The following HCFC1R1 variants were observed in gnomAD, a reference collection of about 807,000 sequenced individuals.
HCFC1R1 encodes host cell factor C1 regulator 1.
Under a neutral mutation model 13.3 loss-of-function variants are expected in HCFC1R1, and 17 were observed. That is an observed-to-expected ratio of 1.28 (90% CI 0.87 to 1.91). The LOEUF (loss-of-function observed/expected upper bound fraction) is 1.91. HCFC1R1 is among the 40% of genes most tolerant of loss of function. The probability of loss-of-function intolerance (pLI) is 0.00; values close to 1 mark genes in which losing one functional copy is unlikely to be tolerated. For synonymous variants in HCFC1R1, 87 were observed against 71.1 expected (o/e 1.22, Z -1.12); for missense variants, 218 against 177.9 (o/e 1.23, Z -1.28).
At chr16:3,023,402 C>T in intron 2 of HCFC1R1, 41 bp from the exon 3 acceptor site, 1 of 1,613,566 alleles carries the variant, frequency 6.2e-7, no homozygotes, top group Non-Finnish European at 8.5e-7. Context: ...GATACTGACA[C>T]AGGAGGCAGC....
Position 3,022,726 on chromosome 16 carries a change from T to G in HCFC1R1, c.*137A>C, listed in dbSNP as rs572333189. ...TCCCAGAACTCCGTTGGGCTCAGTG[T>G]CCTCTGTTGAGGGAAGGTCTTGGTG... On this transcript the variant is annotated 3_prime_UTR_variant, in exon 4 of 4. Transcript: ENST00000248089. 138 of 724,304 alleles carry G rather than the reference T, an allele frequency of 1.9e-4. No homozygotes were observed. The East Asian group carries it at 4.5e-3, about 24-fold the overall frequency. 44.9% of individuals were successfully genotyped at this position (724,304 alleles called of 1,614,324 possible). A position where few individuals can be genotyped will look rare whatever the true frequency, so the allele number is the denominator to read the frequency against.
chr16:3,023,966 G>C (rs777582649), upstream of HCFC1R1: 313 of 1,507,474 alleles, frequency 2.1e-4, no homozygotes, highest in Non-Finnish European at 2.7e-4. Flanking sequence ...CTGCGGGTGG[G>C]ATCTGGGCGA....
chr16:3,023,776 G>T, intron 1 of HCFC1R1, 71 bp downstream of exon 1: 3 of 1,249,508 alleles, frequency 2.4e-6, no homozygotes, highest in South Asian at 2.6e-5. Flanking sequence ...TCATCCTGCA[G>T]ACCAGTCCTG....
chr16:3,024,096 C>T (rs889667066), upstream of HCFC1R1: 2 of 735,556 alleles, frequency 2.7e-6, no homozygotes, highest in African/African-American at 3.5e-5. Context: ...GGCAGGCTTG[C>T]TCCTCGGGGT....
chr16:3,024,098 C>T, upstream of HCFC1R1: 1 of 733,074 alleles, frequency 1.4e-6, no homozygotes, highest in Non-Finnish European at 2.2e-6. Context: ...CAGGCTTGCT[C>T]CTCGGGGTGG....
chr16:3,022,904 G>T lies in HCFC1R1; in HGVS notation c.376C>A (p.Pro126Thr), dbSNP rs774942155. 1 of 1,558,524 alleles carries T rather than the reference G, an allele frequency of 6.4e-7. No homozygotes were observed. The highest frequency in any genetic ancestry group is 2.3e-5 in the Admixed American group (1 of 43,938). The change falls in exon 4 of 4, where the codon CCC (proline) becomes ACC (threonine). Residue 126 changes from proline (P) to threonine (T), a missense_variant. By Grantham distance (38) the Pro-to-Thr change is conservative. Transcript: ENST00000248089. Reference sequence around the variant, plus strand: ...TCCCCAGCTGGGGTTGCAGGGTAGGGGGGACTGGGGGTGTCCCCCAGCCTC... The same window carrying T: ...TCCCCAGCTGGGGTTGCAGGGTAGGTGGGACTGGGGGTGTCCCCCAGCCTC... ...LLRLGDTPSP[P>T]YPATPAGDIM...
rs746547303 is a variant in HCFC1R1, at chr16:3,023,264, TG to T, written c.249del (p.Met84Ter). On this transcript the variant is annotated frameshift_variant, in exon 3 of 4. Coordinates refer to ENST00000248089, the MANE Select transcript of HCFC1R1 (RefSeq NM_017885.4). LOFTEE classifies it high-confidence loss of function. ...LHNDHPYCSP[P>X]MTFSPALPPL... ...GGGGGCAGGGCTGGGGAGAAGGTCA[TG>T]GGGGGGCTGCAGTAGGGGTGGTCAT... 9 of 1,567,488 alleles carry T rather than the reference TG, an allele frequency of 5.7e-6. No individual in the cohort carries two copies. The highest frequency in any genetic ancestry group is 2.3e-5 in the East Asian group (1 of 44,236).
intron 3 of HCFC1R1, 44 bp from the exon 4 acceptor site, chr16:3,023,042 C>G: frequency 6.3e-7 from 1 of 1,580,608 alleles, no homozygotes; most frequent in South Asian, 1.2e-5. Context: ...TGAGGCTGGC[C>G]TAGCTGAGCA....
chr16:3,024,200 G>C, upstream of HCFC1R1: 1 of 1,212,766 alleles, frequency 8.2e-7, no homozygotes, highest in Admixed American at 1.9e-5. Context: ...TAGGGTTCGG[G>C]ACGGTACGCA....
chr16:3,023,270 G>T lies in HCFC1R1; in HGVS notation c.244C>A (p.Pro82Thr), dbSNP rs201654253. Residue 82 changes from proline to threonine, a missense_variant, in exon 3 of 4, where the codon CCC becomes ACC. By Grantham distance (38) the Pro-to-Thr change is conservative. Coordinates refer to ENST00000248089, the MANE Select transcript of HCFC1R1 (RefSeq NM_017885.4). Reference sequence around the variant, plus strand: ...AGGGCTGGGGAGAAGGTCATGGGGGGGCTGCAGTAGGGGTGGTCATTGTGC... The same window carrying T: ...AGGGCTGGGGAGAAGGTCATGGGGGTGCTGCAGTAGGGGTGGTCATTGTGC... ...SLHNDHPYCS[P>T]PMTFSPALPP... The T allele has an allele frequency of 4.9e-4, 778 of 1,574,352 alleles. 3 individuals carry two copies. Among genetic ancestry groups the T allele is most frequent in the Admixed American group, 1.2e-3 (66 of 56,200 alleles).
chr16:3,023,628 C>T (rs1263668870), intron 1 of HCFC1R1, 98 bp from the exon 2 acceptor site: 1 of 1,372,302 alleles, frequency 7.3e-7, no homozygotes, highest in East Asian at 2.5e-5. Context: ...GCCCCAAGCC[C>T]ATTCCTGTCT....
At chr16:3,024,220 T>A (rs1168340967), upstream of HCFC1R1, 1 of 1,451,964 alleles carries the variant, frequency 6.9e-7, no homozygotes, top group East Asian at 2.3e-5. Context: ...ACCAGCCACC[T>A]TCGCGCCGAA....
chr16:3,023,653 C>T (rs961290993), intron 1 of HCFC1R1, 123 bp from the exon 2 acceptor site: 9 of 1,214,478 alleles, frequency 7.4e-6, no homozygotes, highest in South Asian at 3.1e-5. Context: ...TGGTGCCGGT[C>T]CCCGCTCTCC....
upstream of HCFC1R1, chr16:3,024,174 C>T: frequency 1.1e-6 from 1 of 909,136 alleles, no homozygotes; most frequent in Non-Finnish European, 1.7e-6. Context: ...GTCTTCGCGG[C>T]GCTCACCTCG....
At chr16:3,023,752 GC>G in intron 1 of HCFC1R1, 94 bp downstream of exon 1, 2 of 1,131,328 alleles carry the variant, frequency 1.8e-6, no homozygotes, top group Non-Finnish European at 1.3e-6. Context: ...CCGCCGATTC[GC>G]CCCACCCCGT....
rs139054353 is a variant in HCFC1R1 at position 3,022,788 on chromosome 16, G to T, written c.*75C>A. The T allele has an allele frequency of 1.5e-6, 2 of 1,319,006 alleles. No homozygotes were observed. Among genetic ancestry groups the T allele is most frequent in the Non-Finnish European group, 2.0e-6 (2 of 1,005,508 alleles). 81.7% of individuals were successfully genotyped at this position (1,319,006 alleles called of 1,614,324 possible). ...ACTCTGCAGGAGAGGGAGGAACCTT[G>T]TCCCTTTGCGGGAGTCGCTGGTCTC... On this transcript the variant is annotated 3_prime_UTR_variant, in exon 4 of 4. Coordinates refer to ENST00000248089, the MANE Select transcript of HCFC1R1 (RefSeq NM_017885.4).
chr16:3,022,957 C>T lies in HCFC1R1; in HGVS notation c.323G>A (p.Ser108Asn). Residue 108 changes from serine (S) to asparagine (N), a missense_variant, in exon 4 of 4, where the codon AGC (serine) becomes AAC (asparagine). Ser to Asn is a conservative substitution (Grantham distance 46, BLOSUM62 1). Transcript: ENST00000248089. ...SELLLWRYPG[S>N]LIPEALRLLR... ...CAGACGGAGGGCCTCAGGGATGAGG[C>T]TGCCAGGATAGCGCCAGAGAAGCAG... 6.3e-7 allele frequency: 1 copy of T among 1,588,130 alleles called. No individual in the cohort carries two copies.
At position 3,022,639 on chromosome 16, in the gene HCFC1R1, A is replaced by C. The variant is rs1232321964; in HGVS notation, c.*224T>G. On this transcript the variant is annotated 3_prime_UTR_variant, in exon 4 of 4. Coordinates refer to ENST00000248089, the MANE Select transcript of HCFC1R1 (RefSeq NM_017885.4). The stretch of plus-strand genomic sequence containing the variant: ...AGACTGAAGCCTTCCTTTGCTCAGC[A>C]ATCTTTATTCAGTTCTTCTTGGGGG... 4 of 399,994 alleles carry C rather than the reference A, an allele frequency of 1.0e-5. No individual in the cohort carries two copies. The highest frequency in any genetic ancestry group is 1.8e-5 in the Non-Finnish European group (4 of 222,436). 24.8% of individuals were successfully genotyped at this position (399,994 alleles called of 1,614,324 possible).
chr16:3,022,906 G>A lies in HCFC1R1; in HGVS notation c.374C>T (p.Pro125Leu), dbSNP rs1251973618. 6 of 1,560,662 alleles carry A rather than the reference G, an allele frequency of 3.8e-6. No homozygotes were observed. Among genetic ancestry groups the A allele is most frequent in the Non-Finnish European group, 5.2e-6 (6 of 1,164,168 alleles). ...RLLRLGDTPS[P>L]PYPATPAGDI... Reference sequence around the variant, plus strand: ...CCCAGCTGGGGTTGCAGGGTAGGGGGGACTGGGGGTGTCCCCCAGCCTCAG... The same window carrying A: ...CCCAGCTGGGGTTGCAGGGTAGGGGAGACTGGGGGTGTCCCCCAGCCTCAG... Residue 125 changes from proline (P) to leucine (L), a missense_variant, in exon 4 of 4, where the codon CCC (proline) becomes CTC (leucine). Physicochemically the swap from Pro to Leu is moderately conservative, Grantham distance 98 (BLOSUM62 -3). Transcript: ENST00000248089.
Sources: allele counts gnomAD v4.1 joint callset, GRCh38; gene constraint gnomAD v4.1.1; transcripts MANE v1.5; gene names NCBI Gene and HGNC (gene_info 2026-07-23, HGNC 2026-07-21).